The following AUTS2 variants were observed in gnomAD, a reference collection of about 807,000 sequenced individuals.
AUTS2 encodes autism susceptibility gene 2 protein.
AUTS2 carries 17 observed loss-of-function variants against 112.4 expected under a neutral mutation model. The ratio of observed to expected loss-of-function variants is 0.15; its 90% CI spans 0.10 to 0.23. The LOEUF is 0.23. Ranked by LOEUF, AUTS2 falls within the 10% of genes least tolerant of loss-of-function variation. The probability of loss-of-function intolerance (pLI) is 1.00; values close to 1 mark genes in which losing one functional copy is unlikely to be tolerated. For missense variants in AUTS2, 1,510 were observed against 1,701.6 expected, an observed-to-expected ratio of 0.89 and a Z score of 1.98; for synonymous variants, 751 against 702.7, an observed-to-expected ratio of 1.07 and a Z score of -1.09.
At chr7:70,321,545 T>A (rs1790253948) in intron 4 of AUTS2, among the ~76,000 whole-genome samples, 1 of 152,204 alleles carries the variant, frequency 6.6e-6, no homozygotes, top group African/African-American at 2.4e-5. Flanking sequence ...CTCACTAAAT[T>A]GGTAGTTTGG....
At chr7:69,963,980 C>T (rs146341250) in intron 2 of AUTS2, among the ~76,000 whole-genome samples, 1 of 152,222 alleles carries the variant, frequency 6.6e-6, no homozygotes, top group Non-Finnish European at 1.5e-5. Flanking sequence ...AGGTTGATCT[C>T]CCTCCTTCCT....
intron 1 of AUTS2, among the ~76,000 whole-genome samples, chr7:69,812,253 A>G (rs1365852154): frequency 6.6e-6 from 1 of 152,164 alleles, no homozygotes; most frequent in Non-Finnish European, 1.5e-5. Context: ...CTCCAGCATC[A>G]TAATTAGGGT....
intron 5 of AUTS2, chr7:70,693,944 C>G (rs1446992425): frequency 6.6e-6 from 1 of 151,874 alleles, no homozygotes; most frequent in African/African-American, 2.4e-5. Context: ...GACCCGGCGC[C>G]GGGGACGAGA....
chr7:70,419,359 C>T (rs946036050), intron 4 of AUTS2, among the ~76,000 whole-genome samples: 1 of 143,810 alleles, frequency 7.0e-6, no homozygotes, highest in Non-Finnish European at 1.5e-5. Context: ...ATTTATGACT[C>T]TTGACAAGTT....
intron 5 of AUTS2, among the ~76,000 whole-genome samples, chr7:70,642,525 TGTGTCCTCAACCAG>T (rs55683117): frequency 0.26 from 39,931 of 152,050 alleles, 5,686 homozygotes; most frequent in Non-Finnish European, 0.31. Context: ...TATTTCCAAT[TGTGTCCTCAACCAG>T]GTGTAAAGTC....
intron 2 of AUTS2, among the ~76,000 whole-genome samples, chr7:70,073,506 ATC>A (rs1351452782): frequency 1.0e-3 from 150 of 147,490 alleles, no homozygotes; most frequent in African/African-American, 3.6e-3. Flanking sequence ...GTGAGACCTC[ATC>A]TCAAAAAAAA....
At chr7:70,064,770 T>C (rs1468497611) in intron 2 of AUTS2, among the ~76,000 whole-genome samples, 1 of 152,192 alleles carries the variant, frequency 6.6e-6, no homozygotes, top group African/African-American at 2.4e-5. Flanking sequence ...TGAAGCTTTG[T>C]GTTGGAGCCT....
rs571588255 is a variant in AUTS2 at position 70,766,433 on chromosome 7, G to C, written c.1689+99G>C. ...CTGGGCAGCGGGGCCACCAGAGATC[G>C]AATGGGGACTGACGGCTGTTGGCTG... On this transcript the variant is annotated intron_variant, in intron 9 of 18. Coordinates refer to ENST00000342771, the MANE Select transcript of AUTS2 (RefSeq NM_015570.4). This position sits in a 1 kb window ranked among gnomAD's most constrained non-coding sequence, Gnocchi z 4.8. 1 of 1,421,834 alleles carries C rather than the reference G, an allele frequency of 7.0e-7. No individual in the cohort carries two copies. The highest frequency in any genetic ancestry group is 1.8e-5 in the Admixed American group (1 of 56,942). 88.1% of individuals were successfully genotyped at this position (1,421,834 alleles called of 1,614,324 possible). A position where few individuals can be genotyped will look rare whatever the true frequency, so the allele number is the denominator to read the frequency against.
intron 5 of AUTS2, among the ~76,000 whole-genome samples, chr7:70,593,454 G>T (rs1438199607): frequency 1.3e-5 from 2 of 152,044 alleles, no homozygotes; most frequent in East Asian, 1.9e-4. Context: ...ACTCCCTTTG[G>T]TTTCCCCTCT....
intron 4 of AUTS2, among the ~76,000 whole-genome samples, chr7:70,416,643 G>A (rs1425004205): frequency 3.3e-5 from 5 of 152,314 alleles, no homozygotes; most frequent in African/African-American, 9.6e-5. Context: ...GAACCTGTCC[G>A]GCAACCCACA....
intron 4 of AUTS2, among the ~76,000 whole-genome samples, chr7:70,376,528 G>C (rs765044372): frequency 6.6e-5 from 10 of 151,916 alleles, no homozygotes; most frequent in Non-Finnish European, 1.5e-4. Context: ...GTGGGCATGA[G>C]TATCAGTTAG....
intron 5 of AUTS2, among the ~76,000 whole-genome samples, chr7:70,471,651 G>A (rs966476395): frequency 2.6e-5 from 4 of 152,068 alleles, no homozygotes; most frequent in South Asian, 2.1e-4. Flanking sequence ...AGACAAAAAC[G>A]TTTAAGTATG....
At chr7:69,823,310 G>A (rs1265453118) in intron 1 of AUTS2, among the ~76,000 whole-genome samples, 1 of 152,204 alleles carries the variant, frequency 6.6e-6, no homozygotes, top group Non-Finnish European at 1.5e-5. Context: ...GTGCAGGACA[G>A]TAGTTGGCTA....
At chr7:70,738,624 C>G (rs1787913755) in intron 6 of AUTS2, among the ~76,000 whole-genome samples, 2 of 151,946 alleles carry the variant, frequency 1.3e-5, no homozygotes, top group Non-Finnish European at 2.9e-5. Context: ...CTGCCAAGGC[C>G]CATACTGCTG....
chr7:69,633,636 G>A (rs925269674), intron 1 of AUTS2, among the ~76,000 whole-genome samples: 1 of 152,112 alleles, frequency 6.6e-6, no homozygotes, highest in Non-Finnish European at 1.5e-5. Flanking sequence ...TGTAAGAGCT[G>A]TCCTAATGGG....
chr7:69,948,593 A>T (rs1264737702), intron 2 of AUTS2, among the ~76,000 whole-genome samples: 2 of 152,060 alleles, frequency 1.3e-5, no homozygotes, highest in African/African-American at 4.8e-5. Flanking sequence ...ATTATTTTCC[A>T]TCTTGTATGA....
chr7:70,330,182 A>G (rs1186456374), intron 4 of AUTS2, among the ~76,000 whole-genome samples: 2 of 152,202 alleles, frequency 1.3e-5, no homozygotes, highest in Admixed American at 1.3e-4. Flanking sequence ...TTGATATCAC[A>G]TCTAGGAATT....
At chr7:70,618,765 A>C (rs901738355) in intron 5 of AUTS2, among the ~76,000 whole-genome samples, 3 of 152,128 alleles carry the variant, frequency 2.0e-5, no homozygotes, top group African/African-American at 7.2e-5. Flanking sequence ...ACAGGGAGAG[A>C]GAGAGCAAGA....
At chr7:70,585,845 T>G (rs2060933061) in intron 5 of AUTS2, among the ~76,000 whole-genome samples, 1 of 5,148 alleles carries the variant, frequency 1.9e-4, no homozygotes, top group African/African-American at 6.5e-4. Context: ...TTTATTTATT[T>G]ATTTATTTAT....
Sources: gnomAD v4.1 joint callset for allele counts (sites outside exome capture counted in the v4.1 genomes callset) on GRCh38, gnomAD v4.1.1 for gene constraint, Gnocchi (gnomAD v3.1) non-coding constraint, MANE v1.5 for transcripts, NCBI Gene and HGNC (gene_info 2026-07-23, HGNC 2026-07-21) for gene names.